Variants in SLC19A1 observed in about 807,000 individuals in gnomAD.
SLC19A1 encodes solute carrier family 19 member 1.
Under a neutral mutation model 35.3 loss-of-function variants are expected in SLC19A1, and 37 were observed. The observed-to-expected ratio is 1.05, with a 90% CI of 0.81 to 1.38. The LOEUF (loss-of-function observed/expected upper bound fraction) is 1.38, where lower values mean the gene tolerates loss of function less well. Among genes scored for constraint, SLC19A1 ranks in the 40% most tolerant of loss-of-function variants. The pLI is 0.00. For missense variants in SLC19A1, 831 were observed against 826.9 expected (o/e 1.00, Z -0.06); for synonymous variants, 460 against 398.5 (o/e 1.15, Z -1.84).
intron 2 of SLC19A1, 32 bp from the exon 3 acceptor site, chr21:45,532,180 T>C (rs914231): frequency 0.57 from 879,176 of 1,540,744 alleles, 252,245 homozygotes; most frequent in South Asian, 0.62. Context: ...CCCCACCAGG[T>C]GTTAGCAATG....
chr21:45,553,501 A>G (rs1392051463), intron 1 of SLC19A1, among the ~76,000 whole-genome samples: 3 of 151,776 alleles, frequency 2.0e-5, no homozygotes, highest in Non-Finnish European at 2.9e-5. Flanking sequence ...AACTATTTTT[A>G]ACTGCACACT....
At position 45,504,065 on chromosome 21, in the gene SLC19A1, TC is replaced by T. The variant is rs1568939971; in HGVS notation, c.498-5454del. 2 of 1,613,498 alleles carry T rather than the reference TC, an allele frequency of 1.2e-6. No individual in the cohort carries two copies. Among genetic ancestry groups the T allele is most frequent in the Admixed American group, 1.7e-5 (1 of 60,024 alleles). ...GAGGCTGAAATGAAGGTGGGTGACC[TC>T]CCTGTGGGGTTGGGGGCCCCCAAGG... On this transcript the variant is annotated intron_variant, in intron 3 of 4. Transcript: ENST00000417954.
At chr21:45,524,914 G>A (rs985548188) in intron 5 of SLC19A1, among the ~76,000 whole-genome samples, 4 of 152,204 alleles carry the variant, frequency 2.6e-5, no homozygotes, top group Admixed American at 6.5e-5. Flanking sequence ...CACCTGGGTC[G>A]GGGGTGTTGT....
chr21:45,510,913 G>T (rs1297861033), downstream of SLC19A1, among the ~76,000 whole-genome samples: 2 of 150,764 alleles, frequency 1.3e-5, no homozygotes, highest in Non-Finnish European at 1.5e-5. Flanking sequence ...ATGCCCAGGG[G>T]CTGCAGAACC....
At chr21:45,505,750 C>T (rs2037163035) in intron 3 of SLC19A1, 2 of 1,107,250 alleles carry the variant, frequency 1.8e-6, no homozygotes, top group South Asian at 2.7e-5. Flanking sequence ...GGCCCCTGCC[C>T]AGCACCCTGA....
chr21:45,530,867 G>A lies in SLC19A1; in HGVS notation c.1054C>T (p.Leu352Phe), dbSNP rs761405628. 1 of 1,492,824 alleles carries A rather than the reference G, an allele frequency of 6.7e-7. No homozygotes were observed. The highest frequency in any genetic ancestry group is 2.6e-5 in the East Asian group (1 of 38,824). 92.5% of individuals were successfully genotyped at this position (1,492,824 alleles called of 1,614,324 possible). ...VTATQAGLVF[L>F]LAHTRHPSSI... ...CTCGGGTGGCGCGTGTGCGCCAGAA[G>A]GAAGACCAGCCCCGCCTGCGTGGCC... Residue 352 changes from leucine to phenylalanine, a missense_variant, in exon 4 of 6, where the codon CTT becomes TTT. Leu to Phe is a conservative substitution (Grantham distance 22). Transcript: ENST00000311124. This position sits in a 1 kb window ranked among gnomAD's most constrained non-coding sequence, Gnocchi z 5.3.
At position 45,554,570 on chromosome 21, in the gene SLC19A1, C is replaced by T. The variant is rs1436201162; in HGVS notation, c.-50+8172G>A. On this transcript the variant is annotated intron_variant, in intron 1 of 5. Coordinates refer to the SLC19A1 transcript ENST00000650808. ...TCTGAGTGGAACCACGCACAGGGGG[C>T]GTCCTCTTGTGCCTGGCCAGGGGCA... Among the ~76,000 whole-genome samples the T allele has an allele frequency of 3.1e-5, 4 of 130,692 alleles. No homozygotes were observed. The East Asian group carries it at 9.3e-4, about 30-fold the overall frequency. 85.7% of individuals were successfully genotyped at this position (130,692 alleles called of 152,430 possible). A position where few individuals can be genotyped will look rare whatever the true frequency, so the allele number is the denominator to read the frequency against.
rs543057184 is a variant in SLC19A1, at chr21:45,503,693, G to A, written c.498-5081C>T. Among the ~76,000 whole-genome samples the A allele has an allele frequency of 4.4e-4, 66 of 150,802 alleles. No individual in the cohort carries two copies. In the East Asian group the frequency reaches 6.5e-3, roughly 15 times the overall value. ...GGAGATATACCTAATGCTAGATGACGAGTTAGTGGGTGCAGCACACCAGCA... is the reference window on the plus strand; with the variant it reads ...GGAGATATACCTAATGCTAGATGACAAGTTAGTGGGTGCAGCACACCAGCA... On this transcript the variant is annotated intron_variant, in intron 3 of 4. Transcript: ENST00000417954.
chr21:45,509,919 C>T (rs1602650532), downstream of SLC19A1: 1 of 944,368 alleles, frequency 1.1e-6, no homozygotes, highest in East Asian at 2.7e-5. Flanking sequence ...TGCCTGGGCC[C>T]CTCAGTGTGT....
At chr21:45,503,674 A>G (rs965792907) in intron 3 of SLC19A1, among the ~76,000 whole-genome samples, 18 of 150,534 alleles carry the variant, frequency 1.2e-4, no homozygotes, top group Non-Finnish European at 2.4e-4. Flanking sequence ...ATTGGGAGAT[A>G]TACCTAATGC....
chr21:45,504,661 C>T (rs2037079033), intron 3 of SLC19A1: 1 of 982,414 alleles, frequency 1.0e-6, no homozygotes, highest in Non-Finnish European at 1.5e-6. Flanking sequence ...GCCGGAGCTG[C>T]CCCTGCAAGC....
In SLC19A1 at chr21:45,504,006, T is replaced by C. The variant is rs763249680; in HGVS notation, c.498-5394A>G. 89 of 1,613,478 alleles carry C rather than the reference T, an allele frequency of 5.5e-5. No homozygotes were observed. Among genetic ancestry groups the C allele is most frequent in the Non-Finnish European group, 7.4e-5 (87 of 1,179,974 alleles). The stretch of plus-strand genomic sequence containing the variant: ...AGCGAGACCCCGCCTGTCTCTCTCT[T>C]GCAGGGCAGTTTCCGTTTGACTTTC... On this transcript the variant is annotated intron_variant, in intron 3 of 4. Transcript: ENST00000417954.
At chr21:45,561,488 C>T (rs1014187065) in intron 1 of SLC19A1, among the ~76,000 whole-genome samples, 5 of 152,196 alleles carry the variant, frequency 3.3e-5, no homozygotes, top group East Asian at 1.9e-4. Context: ...AGGCCGGGCG[C>T]GGTGGCTCAT....
Position 45,515,051 on chromosome 21 carries a change from C to T in SLC19A1, c.*607G>A. The T allele has an allele frequency of 1.3e-6, 2 of 1,544,736 alleles. No homozygotes were observed. Among genetic ancestry groups the T allele is most frequent in the Non-Finnish European group, 1.7e-6 (2 of 1,145,240 alleles). On this transcript the variant is annotated 3_prime_UTR_variant, in exon 6 of 6. Transcript: ENST00000311124. ...TTAGGGTGGGAGAGAGGAACCAGCT[C>T]CGAGGACCAGAGCCGCTGCTCCCCT... is the stretch of plus-strand genomic sequence containing the variant.
chr21:45,508,241 G>T (rs111213123), downstream of SLC19A1, among the ~76,000 whole-genome samples: 27 of 148,988 alleles, frequency 1.8e-4, no homozygotes, highest in African/African-American at 6.4e-4. Context: ...GGGTAAGTGG[G>T]TGAGTGGATG....
At chr21:45,548,749 A>T (rs1202248654), upstream of SLC19A1, among the ~76,000 whole-genome samples, 1 of 150,428 alleles carries the variant, frequency 6.6e-6, no homozygotes, top group Non-Finnish European at 1.5e-5. Context: ...GTCTAAAAAA[A>T]TAAATAAATA....
intron 5 of SLC19A1, among the ~76,000 whole-genome samples, chr21:45,518,716 T>TAA (rs140352018): frequency 6.6e-6 from 1 of 150,822 alleles, no homozygotes; most frequent in African/African-American, 2.4e-5. Context: ...TCTCACAGGC[T>TAA]AAAAAAAAAG....
intron 5 of SLC19A1, 149 bp downstream of exon 5, chr21:45,525,668 G>A (rs58560681): frequency 3.7e-6 from 3 of 806,178 alleles, no homozygotes; most frequent in Non-Finnish European, 5.8e-6. Context: ...TGCTCTCGCT[G>A]GCCTGGTGTG....
Position 45,533,583 on chromosome 21 carries a change from C to A in SLC19A1, c.190-1435G>T, listed in dbSNP as rs2078008960. ...GGCCCCGCCCACAGGCCCCACCAGA[C>A]CCCACCTCAGATCCACTGGAGGTTG... On this transcript the variant is annotated intron_variant, in intron 2 of 5. Transcript: ENST00000311124. This position sits in a 1 kb window ranked among gnomAD's most constrained non-coding sequence, Gnocchi z 4.5. 6.6e-6 allele frequency among the ~76,000 whole-genome samples: 1 copy of A among 152,044 alleles called. No homozygotes were observed. The highest frequency in any genetic ancestry group is 1.5e-5 in the Non-Finnish European group (1 of 67,944).
Sources: allele counts gnomAD v4.1 joint callset (sites outside exome capture counted in the v4.1 genomes callset), GRCh38; gene constraint gnomAD v4.1.1; non-coding constraint Gnocchi (gnomAD v3.1); transcripts MANE v1.5; gene names NCBI Gene and HGNC (gene_info 2026-07-23, HGNC 2026-07-21).